Variants in ZFYVE28 observed in about 807,000 individuals in gnomAD.
ZFYVE28 encodes zinc finger FYVE-type containing 28.
In ZFYVE28, 40 loss-of-function variants were observed where a neutral mutation model predicts 82.1. The ratio of observed to expected loss-of-function variants is 0.49; its 90% CI spans 0.38 to 0.63. The LOEUF is 0.63. Ranked by LOEUF, ZFYVE28 falls within the 30% of genes least tolerant of loss-of-function variation. The pLI, the probability that ZFYVE28 is intolerant of heterozygous loss-of-function variation, is 0.00. For missense variants in ZFYVE28, 1,321 were observed against 1,242.1 expected (o/e 1.06, Z -0.96); for synonymous variants, 612 against 546.1 (o/e 1.12, Z -1.68).
Position 2,372,986 on chromosome 4 carries a change from GGTAC to G in ZFYVE28, c.40-18917_40-18914del. Among the ~76,000 whole-genome samples, 1 of 152,132 alleles carries G rather than the reference GGTAC, an allele frequency of 6.6e-6. No individual in the cohort carries two copies. The highest frequency in any genetic ancestry group is 3.4e-3 in the Middle Eastern group (1 of 294). On this transcript the variant is annotated intron_variant, in intron 1 of 12. Coordinates refer to ENST00000290974, the MANE Select transcript of ZFYVE28 (RefSeq NM_020972.3). This position sits in a 1 kb window ranked among gnomAD's most constrained non-coding sequence, Gnocchi z 5.2. Reference sequence around the variant, plus strand: ...ACCACGTCTCTGGGCAGACACTCGGGGTACCCTTACCCTATGCCTGAGCCAGCCT... The same window carrying G: ...ACCACGTCTCTGGGCAGACACTCGGGCCTTACCCTATGCCTGAGCCAGCCT...
At chr4:2,309,256 A>G (rs886190047) in intron 7 of ZFYVE28, among the ~76,000 whole-genome samples, 3 of 152,156 alleles carry the variant, frequency 2.0e-5, no homozygotes, top group Non-Finnish European at 4.4e-5. Context: ...CTGCCACGTT[A>G]TGACAGAGCA....
rs1304069689 is a variant in ZFYVE28, at chr4:2,304,311, G to A, written c.2029C>T (p.Pro677Ser). 3.8e-6 allele frequency: 6 copies of A among 1,593,638 alleles called. No homozygotes were observed. The highest frequency in any genetic ancestry group is 2.2e-5 in the East Asian group (1 of 44,794). Residue 677 changes from proline (P) to serine (S), a missense_variant, in exon 8 of 13, where the codon CCT becomes TCT. Pro to Ser is a moderately conservative substitution (Grantham distance 74, BLOSUM62 -1). Coordinates refer to ENST00000290974, the MANE Select transcript of ZFYVE28 (RefSeq NM_020972.3). ...HAGSPSAHEA[P>S]QALSGSSSST... Reference sequence around the variant, plus strand: ...TACCTGGAGCCCGACAGGGCCTGAGGCGCCTCGTGAGCCGAGGGGCTCCCA... The same window carrying A: ...TACCTGGAGCCCGACAGGGCCTGAGACGCCTCGTGAGCCGAGGGGCTCCCA...
chr4:2,275,869 T>A lies in ZFYVE28; in HGVS notation c.2052-1653A>T, dbSNP rs28608816. 4.0e-3 allele frequency among the ~76,000 whole-genome samples: 602 copies of A among 152,162 alleles called. 4 individuals carry two copies. Among genetic ancestry groups the A allele is most frequent in the African/African-American group, 0.013 (555 of 41,512 alleles). On this transcript the variant is annotated intron_variant, in intron 8 of 12. Coordinates refer to ENST00000290974, the MANE Select transcript of ZFYVE28 (RefSeq NM_020972.3). ...TTAGACGCGGTGCTGGGGATTCCAGTGAAACGCTGGGCAGGATCCCAAGTC... is the reference window on the plus strand; with the variant it reads ...TTAGACGCGGTGCTGGGGATTCCAGAGAAACGCTGGGCAGGATCCCAAGTC...
intron 1 of ZFYVE28, among the ~76,000 whole-genome samples, chr4:2,396,944 G>A (rs371245174): frequency 2.0e-5 from 3 of 152,170 alleles, no homozygotes; most frequent in East Asian, 1.9e-4. Flanking sequence ...GTGCTTCAAC[G>A]ATCACTCTGG....
Position 2,335,533 on chromosome 4 carries a change from T to C in ZFYVE28, c.701+172A>G, listed in dbSNP as rs1170296038. On this transcript the variant is annotated intron_variant, in intron 6 of 12. Transcript: ENST00000290974. This position sits in a 1 kb window ranked among gnomAD's most constrained non-coding sequence, Gnocchi z 5.8. ...AACAGGGGGCACTCAGGACACGTGG[T>C]CCCCTGGTCTGCTGAGGGCTGACAG... Among the ~76,000 whole-genome samples, 1 of 152,090 alleles carries C rather than the reference T, an allele frequency of 6.6e-6. No individual in the cohort carries two copies. Among genetic ancestry groups the C allele is most frequent in the East Asian group, 1.9e-4 (1 of 5,188 alleles).
rs1729619049 is a variant in ZFYVE28 at position 2,389,621 on chromosome 4, G to T, written c.39+28664C>A. On this transcript the variant is annotated intron_variant, in intron 1 of 12. Transcript: ENST00000290974. ...AGGCTTTGCATCCCCCAGGACACAG[G>T]GCAATGACAGCCCTGCGTTGGAAGC... Among the ~76,000 whole-genome samples the T allele has an allele frequency of 5.3e-5, 8 of 152,288 alleles. No homozygotes were observed. In the South Asian group the frequency reaches 1.7e-3, roughly 32 times the overall value.
rs1560333374 is a variant in ZFYVE28 at position 2,396,139 on chromosome 4, G to GCCGCAAGGAGCC, written c.39+22145_39+22146insGGCTCCTTGCGG. On this transcript the variant is annotated intron_variant, in intron 1 of 12. Coordinates refer to ENST00000290974, the MANE Select transcript of ZFYVE28 (RefSeq NM_020972.3). Reference sequence around the variant, plus strand: ...AGGGGCCACAAGGCGGGGTGTCTGAGCTGATGGGACCAGCCATCCTGCAGA... The same window carrying GCCGCAAGGAGCC: ...AGGGGCCACAAGGCGGGGTGTCTGAGCCGCAAGGAGCCCTGATGGGACCAGCCATCCTGCAGA... Among the ~76,000 whole-genome samples the GCCGCAAGGAGCC allele has an allele frequency of 5.8e-3, 411 of 71,084 alleles. 8 individuals carry two copies. Among genetic ancestry groups the GCCGCAAGGAGCC allele is most frequent in the Middle Eastern group, 0.013 (2 of 152 alleles). The allele number at this position is 71,084 out of a possible 152,430, so 46.6% of individuals were successfully genotyped here.
At chr4:2,330,656 C>T in intron 6 of ZFYVE28, 1 of 1,410,876 alleles carries the variant, frequency 7.1e-7, no homozygotes, top group Non-Finnish European at 9.2e-7. Context: ...AGTGGAGGGG[C>T]CAGCACCATG....
rs114970992 is a variant in ZFYVE28, at chr4:2,363,657, G to A, written c.40-9584C>T. 9.7e-3 allele frequency among the ~76,000 whole-genome samples: 1,482 copies of A among 152,314 alleles called. 14 individuals carry two copies. Among genetic ancestry groups the A allele is most frequent in the Non-Finnish European group, 0.016 (1,083 of 68,020 alleles). On this transcript the variant is annotated intron_variant, in intron 1 of 12. Coordinates refer to ENST00000290974, the MANE Select transcript of ZFYVE28 (RefSeq NM_020972.3). Reference sequence around the variant, plus strand: ...AACCTGTGTTGCGTAACTTGTATGTGAGCATGTAGGTCACCAGCGCATGGA... The same window carrying A: ...AACCTGTGTTGCGTAACTTGTATGTAAGCATGTAGGTCACCAGCGCATGGA...
rs562188356 is a variant in ZFYVE28, at chr4:2,335,903, G to A, written c.612-109C>T. 43 of 874,052 alleles carry A rather than the reference G, an allele frequency of 4.9e-5. No individual in the cohort carries two copies. The highest frequency in any genetic ancestry group is 1.2e-4 in the Admixed American group (6 of 49,406). 54.1% of individuals were successfully genotyped at this position (874,052 alleles called of 1,614,324 possible). ...GCTCAATCTGTACCTGCAGCCACGC[G>A]TGGTGGCCACGTCAAGAGGTGACAC... On this transcript the variant is annotated intron_variant, in intron 5 of 12. Transcript: ENST00000290974. This position sits in a 1 kb window ranked among gnomAD's most constrained non-coding sequence, Gnocchi z 5.8.
rs369653797 is a variant in ZFYVE28 at position 2,274,168 on chromosome 4, C to T, written c.2100G>A (p.Ala700=). The part of the protein sequence containing the change: ...SCSSDKMGPE[A]APAATHAAPQ... The stretch of plus-strand genomic sequence containing the variant: ...GGGCAGCATGCGTGGCTGCTGGGGC[C>T]GCCTCTGGCCCCATCTTGTCTGAGG... Residue 700 remains alanine, a synonymous_variant, in exon 9 of 13, where the codon GCG becomes GCA. Transcript: ENST00000290974. 49 of 1,613,826 alleles carry T rather than the reference C, an allele frequency of 3.0e-5. No homozygotes were observed. The African/African-American group carries it at 3.9e-4, about 13-fold the overall frequency.
chr4:2,395,050 T>G (rs1198577897), intron 1 of ZFYVE28, among the ~76,000 whole-genome samples: 2 of 152,072 alleles, frequency 1.3e-5, no homozygotes, highest in East Asian at 3.9e-4. Flanking sequence ...TGAAACCCCT[T>G]TTCTTCAAGA....
chr4:2,308,667 A>AAGAC (rs1282717615), intron 7 of ZFYVE28, among the ~76,000 whole-genome samples: 8 of 100,006 alleles, frequency 8.0e-5, no homozygotes, highest in African/African-American at 3.5e-4. Context: ...GAAAGAAAGA[A>AAGAC]AGAAAGAAAG....
intron 6 of ZFYVE28, among the ~76,000 whole-genome samples, chr4:2,328,026 T>C (rs1720131718): frequency 6.6e-6 from 1 of 151,776 alleles, no homozygotes; most frequent in Admixed American, 6.6e-5. Context: ...ACAAATATAA[T>C]TGCCATATGA....
chr4:2,304,828 G>C lies in ZFYVE28; in HGVS notation c.1512C>G (p.Ile504Met). 1 of 1,612,658 alleles carries C rather than the reference G, an allele frequency of 6.2e-7. No individual in the cohort carries two copies. The highest frequency in any genetic ancestry group is 8.5e-7 in the Non-Finnish European group (1 of 1,179,924). ...GCTTCATGCCCCCTGTCCGGTGGGC[G>C]ATCATCTCAGCCGTCTCTGCGTCAT... ...GADDAETAEM[I>M]AHRTGGMKLS... The change falls in exon 8 of 13, where the codon ATC (isoleucine) becomes ATG (methionine). Residue 504 changes from isoleucine to methionine, a missense_variant. This residue lies in a region of ZFYVE28 where 978 missense variants were observed against 833.7 expected (regional missense o/e 1.17). Coordinates refer to ENST00000290974, the MANE Select transcript of ZFYVE28 (RefSeq NM_020972.3).
intron 1 of ZFYVE28, among the ~76,000 whole-genome samples, chr4:2,388,164 G>A (rs940337384): frequency 6.6e-6 from 1 of 152,210 alleles, no homozygotes; most frequent in South Asian, 2.1e-4. Context: ...TTTATCCCAC[G>A]GGGCTGCTCT....
At chr4:2,373,420 G>A (rs556384430) in intron 1 of ZFYVE28, among the ~76,000 whole-genome samples, 1 of 152,128 alleles carries the variant, frequency 6.6e-6, no homozygotes, top group South Asian at 2.1e-4. Context: ...GACTGCTTGA[G>A]CCCCAGAGGT....
intron 6 of ZFYVE28, among the ~76,000 whole-genome samples, chr4:2,334,753 TCCC>T (rs1283199347): frequency 2.1e-4 from 1 of 4,668 alleles, no homozygotes; most frequent in Non-Finnish European, 4.9e-4. Flanking sequence ...CCCTTCCCCC[TCCC>T]CTTCCCCCTC....
intron 1 of ZFYVE28, among the ~76,000 whole-genome samples, chr4:2,400,407 G>A (rs926356169): frequency 4.4e-5 from 6 of 135,542 alleles, no homozygotes; most frequent in Middle Eastern, 3.2e-3. Flanking sequence ...TACCAGTCTC[G>A]GCCCCTAAAA....
Sources: gnomAD v4.1 joint callset for allele counts (sites outside exome capture counted in the v4.1 genomes callset) on GRCh38, gnomAD v4.1.1 for gene constraint, gnomAD v4.1.1 regional missense constraint, Gnocchi (gnomAD v3.1) non-coding constraint, MANE v1.5 for transcripts, NCBI Gene and HGNC (gene_info 2026-07-23, HGNC 2026-07-21) for gene names.